The following SAMSN1 variants were observed in gnomAD, a reference collection of about 807,000 sequenced individuals.
SAMSN1 encodes SAM domain, SH3 domain and nuclear localization signals 1, also known as SAM domain-containing protein SAMSN-1.
A neutral mutation model predicts 42.0 loss-of-function variants in SAMSN1; 31 were observed. That is an observed-to-expected ratio of 0.74 (90% confidence interval 0.55 to 1.00). The LOEUF (loss-of-function observed/expected upper bound fraction) is 1.00. SAMSN1 is among the 50% of genes least tolerant of loss of function. The pLI is 0.00. For missense variants in SAMSN1, 464 were observed against 439.4 expected (o/e 1.06, Z -0.50); for synonymous variants, 178 against 151.9 (o/e 1.17, Z -1.26).
intron 2 of SAMSN1, among the ~76,000 whole-genome samples, chr21:14,569,587 A>C (rs1981228028): frequency 6.6e-6 from 1 of 152,142 alleles, no homozygotes; most frequent in African/African-American, 2.4e-5. Flanking sequence ...TCTTGCAACC[A>C]ATTTTTCCTT....
rs570403767 is a variant in SAMSN1 at position 14,600,756 on chromosome 21, G to C, written c.399+1267C>G. 1.2e-4 allele frequency among the ~76,000 whole-genome samples: 18 copies of C among 152,242 alleles called. No homozygotes were observed. The East Asian group carries it at 3.5e-3, about 29-fold the overall frequency. On this transcript the variant is annotated intron_variant, in intron 6 of 15. Coordinates refer to the SAMSN1 transcript ENST00000647101. ...ATTTTTCTCCTGGCCAGCAGACAATGCTTCACTTAGATATTATATCTGAGG... is the reference window on the plus strand; with the variant it reads ...ATTTTTCTCCTGGCCAGCAGACAATCCTTCACTTAGATATTATATCTGAGG...
At chr21:14,539,835 A>G (rs62227187) in intron 1 of SAMSN1, among the ~76,000 whole-genome samples, 6,717 of 152,286 alleles carry the variant, frequency 0.044, 216 homozygotes, top group South Asian at 0.082. Context: ...CGCATCGCCA[A>G]GTCAATCCTA....
chr21:14,516,216 G>A (rs1190803483), intron 3 of SAMSN1, among the ~76,000 whole-genome samples: 1 of 152,162 alleles, frequency 6.6e-6, no homozygotes, highest in Admixed American at 6.5e-5. Flanking sequence ...GCCAAAAAGT[G>A]AAAGCAACCC....
rs766976986 is a variant in SAMSN1 at position 14,486,017 on chromosome 21, A to G, written c.1017T>C (p.Gly339=). ...CTGAATTTCCTGATGAGATATAGCAACCAGAGTCCCTTGGGCAGTCATCTA... is the reference window on the plus strand; with the variant it reads ...CTGAATTTCCTGATGAGATATAGCAGCCAGAGTCCCTTGGGCAGTCATCTA... The part of the protein sequence containing the change: ...SQLDDCPRDS[G]CYISSGNSDN... The change falls in exon 8 of 8, where the codon GGT becomes GGC. Residue 339 remains glycine (G), a synonymous_variant. Coordinates refer to ENST00000400566, the MANE Select transcript of SAMSN1 (RefSeq NM_022136.5). 6 of 1,613,678 alleles carry G rather than the reference A, an allele frequency of 3.7e-6. No individual in the cohort carries two copies. The highest frequency in any genetic ancestry group is 5.1e-6 in the Non-Finnish European group (6 of 1,179,660).
At chr21:14,535,101 A>G (rs970042981) in intron 1 of SAMSN1, among the ~76,000 whole-genome samples, 1 of 152,194 alleles carries the variant, frequency 6.6e-6, no homozygotes, top group Non-Finnish European at 1.5e-5. Flanking sequence ...GCCTCACTCC[A>G]CCAACCAAAC....
At chr21:14,490,029 A>G (rs954709543) in intron 7 of SAMSN1, among the ~76,000 whole-genome samples, 64 of 152,178 alleles carry the variant, frequency 4.2e-4, no homozygotes, top group African/African-American at 1.5e-3. Flanking sequence ...CCACCTTTAC[A>G]TATTAAAAAA....
At chr21:14,515,719 A>G (rs1344665420) in intron 3 of SAMSN1, among the ~76,000 whole-genome samples, 1 of 152,228 alleles carries the variant, frequency 6.6e-6, no homozygotes, top group Non-Finnish European at 1.5e-5. Context: ...GAATTGGAGA[A>G]AATATATTAT....
At chr21:14,486,751 T>C (rs1986452296) in intron 7 of SAMSN1, among the ~76,000 whole-genome samples, 1 of 152,228 alleles carries the variant, frequency 6.6e-6, no homozygotes, top group Non-Finnish European at 1.5e-5. Context: ...CCACTGAATC[T>C]ACTTTATGAA....
At chr21:14,538,066 A>G (rs1204441277) in intron 1 of SAMSN1, among the ~76,000 whole-genome samples, 1 of 152,266 alleles carries the variant, frequency 6.6e-6, no homozygotes, top group Non-Finnish European at 1.5e-5. Context: ...TTAAAATGCT[A>G]TAAATGCTAC....
At chr21:14,512,779 C>T (rs1480915280) in intron 3 of SAMSN1, among the ~76,000 whole-genome samples, 5 of 152,314 alleles carry the variant, frequency 3.3e-5, no homozygotes, top group East Asian at 1.9e-4. Context: ...ATGACACATT[C>T]TTTCTGTAAA....
chr21:14,567,968 AT>A, intron 2 of SAMSN1, among the ~76,000 whole-genome samples: 1 of 152,322 alleles, frequency 6.6e-6, no homozygotes, highest in East Asian at 1.9e-4. Context: ...AAATCAGAGA[AT>A]AAAAAATGGT....
chr21:14,567,602 C>A (rs1981163974), intron 2 of SAMSN1, among the ~76,000 whole-genome samples: 1 of 152,148 alleles, frequency 6.6e-6, no homozygotes, highest in South Asian at 2.1e-4. Context: ...GCTCTGTACA[C>A]TCTTCCAGCT....
intron 5 of SAMSN1, among the ~76,000 whole-genome samples, chr21:14,608,652 G>T (rs1444404995): frequency 6.6e-6 from 1 of 152,094 alleles, no homozygotes; most frequent in Non-Finnish European, 1.5e-5. Flanking sequence ...AGCACAGCTT[G>T]CAGCCTCGGG....
chr21:14,568,982 A>G (rs1342072898), intron 2 of SAMSN1, among the ~76,000 whole-genome samples: 1 of 152,170 alleles, frequency 6.6e-6, no homozygotes, highest in Admixed American at 6.6e-5. Context: ...TCAGATCCTG[A>G]AAGTCCAGCA....
chr21:14,616,495 G>T (rs548306396), intron 2 of SAMSN1, among the ~76,000 whole-genome samples: 8 of 152,230 alleles, frequency 5.3e-5, no homozygotes, highest in African/African-American at 1.9e-4. Context: ...TACCCTCAGG[G>T]TGTTGAAATA....
chr21:14,503,046 A>G (rs1987240111), intron 5 of SAMSN1, among the ~76,000 whole-genome samples: 1 of 152,166 alleles, frequency 6.6e-6, no homozygotes, highest in African/African-American at 2.4e-5. Context: ...TCTTTGTGCT[A>G]TTGTAACTCA....
At chr21:14,615,463 T>C (rs543015271) in intron 3 of SAMSN1, among the ~76,000 whole-genome samples, 2 of 152,260 alleles carry the variant, frequency 1.3e-5, no homozygotes, top group African/African-American at 4.8e-5. Flanking sequence ...GCAACCAATC[T>C]GAAAATTTCC....
intron 5 of SAMSN1, among the ~76,000 whole-genome samples, chr21:14,608,313 A>C (rs1186796747): frequency 2.6e-5 from 4 of 152,204 alleles, no homozygotes; most frequent in African/African-American, 9.6e-5. Flanking sequence ...TGGGGAAGGG[A>C]GAGCAAAGTT....
intron 1 of SAMSN1, among the ~76,000 whole-genome samples, chr21:14,527,382 A>C (rs571067718): frequency 6.6e-6 from 1 of 152,200 alleles, no homozygotes; most frequent in South Asian, 2.1e-4. Flanking sequence ...TACCAGTGGA[A>C]TACACTTCTG....
Sources: allele counts gnomAD v4.1 joint callset (sites outside exome capture counted in the v4.1 genomes callset), GRCh38; gene constraint gnomAD v4.1.1; transcripts MANE v1.5; gene names NCBI Gene and HGNC (gene_info 2026-07-23, HGNC 2026-07-21).